CD163L1: variants seen among roughly 807,000 people sequenced by gnomAD.
The protein encoded by CD163L1 is scavenger receptor cysteine-rich type 1 protein M160.
Under a neutral mutation model 165.4 loss-of-function variants are expected in CD163L1, and 124 were observed. The ratio of observed to expected loss-of-function variants is 0.75; its 90% confidence interval spans 0.65 to 0.87. The LOEUF (loss-of-function observed/expected upper bound fraction) is 0.87. CD163L1 is among the 40% of genes least tolerant of loss of function. The pLI, the probability that CD163L1 is intolerant of heterozygous loss-of-function variation, is 0.00. For missense variants in CD163L1, 1,525 were observed against 1,799.9 expected, an observed-to-expected ratio of 0.85 and a Z score of 2.76; for synonymous variants, 585 against 662.2, an observed-to-expected ratio of 0.88 and a Z score of 1.79.
chr12:7,401,885 A>C, intron 6 of CD163L1, among the ~76,000 whole-genome samples: 1 of 152,114 alleles, frequency 6.6e-6, no homozygotes, highest in East Asian at 1.9e-4. Context: ...AAAAGCAAAA[A>C]GTAATTTTTA....
In CD163L1 at chr12:7,396,284, A is replaced by G. The variant is rs1377175234; in HGVS notation, c.1861T>C (p.Cys621Arg). ...GAAGATGGGCAGTCCAGCTGGCTAC[A>G]CACCACAGCTGCAGCTTTACTGTTC... The part of the protein sequence containing the change: ...GWNSKAAAVV[C>R]SQLDCPSSII... The change falls in exon 8 of 20, where the codon TGT becomes CGT. Residue 621 changes from cysteine (C) to arginine (R), a missense_variant. Transcript: ENST00000313599. 6.2e-7 allele frequency: 1 copy of G among 1,614,154 alleles called. No individual in the cohort carries two copies. The highest frequency in any genetic ancestry group is 8.5e-7 in the Non-Finnish European group (1 of 1,180,010).
At chr12:7,440,194 A>C (rs917824722) in intron 2 of CD163L1, among the ~76,000 whole-genome samples, 6 of 152,192 alleles carry the variant, frequency 3.9e-5, no homozygotes, top group Admixed American at 2.0e-4. Flanking sequence ...CAGGGCGGAC[A>C]CTTAACACTC....
At position 7,372,150 on chromosome 12, in the gene CD163L1, T is replaced by A. The variant is rs1358905023; in HGVS notation, c.3730+1170A>T. ...CTAACCAAACCCATGCAAATTATGT[T>A]GATTTAGGTGAAATTTTAATTTGGG... On this transcript the variant is annotated intron_variant, in intron 14 of 19. Coordinates refer to ENST00000313599, the MANE Select transcript of CD163L1 (RefSeq NM_174941.6). This position sits in a 1 kb window ranked among gnomAD's most constrained non-coding sequence, Gnocchi z 4.2. Among the ~76,000 whole-genome samples the A allele has an allele frequency of 6.6e-6, 1 of 152,108 alleles. No individual in the cohort carries two copies. The highest frequency in any genetic ancestry group is 1.5e-5 in the Non-Finnish European group (1 of 67,950).
chr12:7,341,544 T>C, the CD163L1 span, among the ~76,000 whole-genome samples: 2 of 152,230 alleles, frequency 1.3e-5, no homozygotes, highest in African/African-American at 4.8e-5. Context: ...TTTTATGATG[T>C]ACAGAAATTT....
chr12:7,373,365 G>T lies in CD163L1; in HGVS notation c.3685C>A (p.Arg1229=). 1 of 1,613,758 alleles carries T rather than the reference G, an allele frequency of 6.2e-7. No individual in the cohort carries two copies. Residue 1229 remains arginine, a synonymous_variant, in exon 14 of 20, where the codon CGA becomes AGA. Coordinates refer to ENST00000313599, the MANE Select transcript of CD163L1 (RefSeq NM_174941.6). Reference sequence around the variant, plus strand: ...TCTTCTGCTGGGCTGGAGATTCTTCGCTCCCATGGGGCAGACAGGCACTGC... The same window carrying T: ...TCTTCTGCTGGGCTGGAGATTCTTCTCTCCCATGGGGCAGACAGGCACTGC... ...IWQCLSAPWE[R]RISSPAEETW...
chr12:7,351,813 A>G (rs955503329), downstream of CD163L1, among the ~76,000 whole-genome samples: 1 of 152,150 alleles, frequency 6.6e-6, no homozygotes, highest in Non-Finnish European at 1.5e-5. Flanking sequence ...TAATTGTCCC[A>G]TAAGTTAAGG....
At chr12:7,322,852 T>C in the CD163L1 span, among the ~76,000 whole-genome samples, 1 of 152,148 alleles carries the variant, frequency 6.6e-6, no homozygotes, top group Non-Finnish European at 1.5e-5. Context: ...TCTGAGAGCG[T>C]CCATGGGAAA....
the CD163L1 span, chr12:7,320,751 C>T: frequency 1.2e-6 from 2 of 1,613,696 alleles, no homozygotes; most frequent in Non-Finnish European, 1.7e-6. Flanking sequence ...CCATCACGAC[C>T]CTGTGCAGTC....
At chr12:7,363,215 A>C (rs957572144) in intron 18 of CD163L1, among the ~76,000 whole-genome samples, 10 of 152,068 alleles carry the variant, frequency 6.6e-5, no homozygotes, top group Non-Finnish European at 1.3e-4. Context: ...AGTTTGAGGC[A>C]GGAGATTTGC....
intron 8 of CD163L1, among the ~76,000 whole-genome samples, chr12:7,383,964 T>A (rs1264855775): frequency 6.6e-6 from 1 of 152,054 alleles, no homozygotes; most frequent in Non-Finnish European, 1.5e-5. Context: ...GCACCACATT[T>A]CAGCAAAAAG....
At chr12:7,421,466 T>TATATGTACATATATAC (rs1363248712) in intron 4 of CD163L1, among the ~76,000 whole-genome samples, 1 of 92,878 alleles carries the variant, frequency 1.1e-5, no homozygotes, top group East Asian at 3.7e-4. Context: ...CATATATACA[T>TATATGTACATATATAC]ATATATACAT....
rs762764584 is a variant in CD163L1 at position 7,398,791 on chromosome 12, C to T, written c.1409-207G>A. On this transcript the variant is annotated intron_variant, in intron 6 of 19. Transcript: ENST00000313599. This position sits in a 1 kb window ranked among gnomAD's most constrained non-coding sequence, Gnocchi z 4.5. ...AAGGTGTCTCTAAAGCATGAAACGA[C>T]GACAGCAAATTTACTGAAGTAAAGC... Among the ~76,000 whole-genome samples, 12 of 152,206 alleles carry T rather than the reference C, an allele frequency of 7.9e-5. No individual in the cohort carries two copies. The highest frequency in any genetic ancestry group is 2.1e-4 in the South Asian group (1 of 4,820).
chr12:7,323,395 A>G, the CD163L1 span: 1,010 of 1,596,316 alleles, frequency 6.3e-4, 8 homozygotes, highest in African/African-American at 9.7e-3. Context: ...ACAACTATTC[A>G]TAAGCTGCTT....
exon 5 of CD163L1, chr12:7,346,959 G>C (rs1270534852): frequency 1.6e-4 from 24 of 152,210 alleles, no homozygotes; most frequent in Admixed American, 1.5e-3. Flanking sequence ...AGGCAGGAAT[G>C]ATGAGGAATT....
At chr12:7,324,592 C>T in the CD163L1 span, 18 of 1,613,616 alleles carry the variant, frequency 1.1e-5, no homozygotes, top group Middle Eastern at 1.6e-4. Flanking sequence ...ATCAAATCCG[C>T]GGAGAGGTAG....
chr12:7,370,590 G>C (rs888902482), intron 14 of CD163L1, among the ~76,000 whole-genome samples: 1 of 151,956 alleles, frequency 6.6e-6, no homozygotes, highest in Non-Finnish European at 1.5e-5. Flanking sequence ...TGATCTAAAC[G>C]TCTCATCCCC....
intron 4 of CD163L1, among the ~76,000 whole-genome samples, chr12:7,416,906 T>C (rs1048725643): frequency 6.6e-6 from 1 of 152,186 alleles, no homozygotes; most frequent in Admixed American, 6.5e-5. Flanking sequence ...AACAGGCTCT[T>C]TTTTGGTTCC....
chr12:7,416,053 G>A (rs1364210059), intron 4 of CD163L1, among the ~76,000 whole-genome samples: 5 of 152,206 alleles, frequency 3.3e-5, no homozygotes, highest in Admixed American at 3.3e-4. Flanking sequence ...CAGTGTAAAA[G>A]CATTCCTATT....
chr12:7,421,756 TA>T (rs1948442380), intron 4 of CD163L1, among the ~76,000 whole-genome samples: 5 of 131,506 alleles, frequency 3.8e-5, no homozygotes, highest in African/African-American at 1.6e-4. Context: ...TATATATATA[TA>T]TATATATATA....
Sources: allele counts gnomAD v4.1 joint callset (sites outside exome capture counted in the v4.1 genomes callset), GRCh38; gene constraint gnomAD v4.1.1; non-coding constraint Gnocchi (gnomAD v3.1); transcripts MANE v1.5; gene names NCBI Gene and HGNC (gene_info 2026-07-23, HGNC 2026-07-21).